EYA2: variants seen among roughly 807,000 people sequenced by gnomAD.
EYA2 encodes EYA transcriptional coactivator and phosphatase 2.
EYA2 carries 31 observed loss-of-function variants against 69.2 expected under a neutral mutation model. That is an observed-to-expected ratio of 0.45 (90% CI 0.34 to 0.60). EYA2 has a LOEUF of 0.60. Among genes scored for constraint, EYA2 ranks in the 20% least tolerant of loss-of-function variants. The probability of loss-of-function intolerance (pLI) is 0.02; values close to 1 mark genes in which losing one functional copy is unlikely to be tolerated. For synonymous variants in EYA2, 257 were observed against 279.4 expected (o/e 0.92, Z 0.80); for missense variants, 622 against 701.2 (o/e 0.89, Z 1.28).
intron 5 of EYA2, among the ~76,000 whole-genome samples, chr20:47,018,895 G>A (rs1983577376): frequency 2.0e-5 from 3 of 152,138 alleles, no homozygotes; most frequent in Admixed American, 2.0e-4. Flanking sequence ...TCTAAATGAT[G>A]AGATTTCCTG....
At chr20:46,970,221 A>G (rs1980055881) in intron 1 of EYA2, among the ~76,000 whole-genome samples, 1 of 152,202 alleles carries the variant, frequency 6.6e-6, no homozygotes, top group African/African-American at 2.4e-5. Context: ...GCGAATGTGA[A>G]TTCATCTTTT....
At chr20:46,949,596 G>C (rs1384159889) in intron 1 of EYA2, among the ~76,000 whole-genome samples, 3 of 152,124 alleles carry the variant, frequency 2.0e-5, no homozygotes, top group South Asian at 4.1e-4. Context: ...CCACGTTTTG[G>C]GTTTAACCTC....
chr20:47,111,639 G>A (rs373386299), intron 9 of EYA2, among the ~76,000 whole-genome samples: 2 of 152,286 alleles, frequency 1.3e-5, no homozygotes, highest in African/African-American at 4.8e-5. Flanking sequence ...GTGAAAAGTG[G>A]GCAGCACTGT....
intron 9 of EYA2, among the ~76,000 whole-genome samples, chr20:47,128,710 C>T (rs1261309872): frequency 6.6e-6 from 1 of 152,158 alleles, no homozygotes; most frequent in Non-Finnish European, 1.5e-5. Flanking sequence ...GCAGCGTGAC[C>T]TTGGACAAGT....
intron 9 of EYA2, chr20:47,117,669 C>T (rs1245919780): frequency 6.1e-6 from 6 of 985,278 alleles, no homozygotes; most frequent in East Asian, 1.1e-4. Flanking sequence ...AAAGAAAACC[C>T]GGTTTTATGA....
chr20:47,058,823 G>A (rs1334285756), intron 5 of EYA2, among the ~76,000 whole-genome samples: 1 of 152,200 alleles, frequency 6.6e-6, no homozygotes, highest in Non-Finnish European at 1.5e-5. Context: ...CTGGGCAACA[G>A]AGCAAGACCT....
rs112336353 is a variant in EYA2, at chr20:47,047,049, T to C, written c.416-25136T>C. On this transcript the variant is annotated intron_variant, in intron 5 of 15. Coordinates refer to ENST00000327619, the MANE Select transcript of EYA2 (RefSeq NM_005244.5). The stretch of plus-strand genomic sequence containing the variant: ...AGGGCAACTTGCTCATTTTCTAAAA[T>C]GTATCGTGTACATTTCTCAAAGAAT... 1.0e-3 allele frequency among the ~76,000 whole-genome samples: 155 copies of C among 152,356 alleles called. 2 individuals carry two copies. Among genetic ancestry groups the C allele is most frequent in the African/African-American group, 3.2e-3 (135 of 41,580 alleles).
At chr20:46,955,727 AT>A (rs1979085360) in intron 1 of EYA2, among the ~76,000 whole-genome samples, 1 of 152,126 alleles carries the variant, frequency 6.6e-6, no homozygotes, top group Non-Finnish European at 1.5e-5. Flanking sequence ...TAATCTCGAC[AT>A]TTTTTCACTG....
At chr20:47,014,307 G>T (rs1983268795) in intron 4 of EYA2, among the ~76,000 whole-genome samples, 1 of 152,024 alleles carries the variant, frequency 6.6e-6, no homozygotes, top group Non-Finnish European at 1.5e-5. Flanking sequence ...TATTTTACGG[G>T]GTTGACAGGA....
At chr20:46,988,816 C>T (rs527957226) in intron 1 of EYA2, among the ~76,000 whole-genome samples, 2 of 152,318 alleles carry the variant, frequency 1.3e-5, no homozygotes, top group African/African-American at 4.8e-5. Flanking sequence ...GATCCTCCCA[C>T]CTCAGCCTCT....
intron 1 of EYA2, among the ~76,000 whole-genome samples, chr20:46,917,058 C>T (rs898637149): frequency 6.6e-6 from 1 of 152,118 alleles, no homozygotes; most frequent in African/African-American, 2.4e-5. Flanking sequence ...GTGAGAAAAT[C>T]ACAAATAATT....
intron 1 of EYA2, among the ~76,000 whole-genome samples, chr20:46,937,649 ATTTTTT>A (rs5841661): frequency 7.8e-6 from 1 of 128,438 alleles, no homozygotes; most frequent in Non-Finnish European, 1.6e-5. Context: ...TCATGCCTTG[ATTTTTT>A]TTTTTTTTTT....
intron 9 of EYA2, among the ~76,000 whole-genome samples, chr20:47,107,861 G>T (rs1409352709): frequency 6.6e-6 from 1 of 152,120 alleles, no homozygotes; most frequent in Non-Finnish European, 1.5e-5. Context: ...AAAAAGAGAA[G>T]TTGAAATTAA....
chr20:47,169,037 G>C (rs2034263573), intron 10 of EYA2, 102 bp from the exon 11 acceptor site: 1 of 1,026,894 alleles, frequency 9.7e-7, no homozygotes, highest in South Asian at 1.3e-5. Context: ...CCAGTGCAGT[G>C]CTCATCCCAG....
At chr20:47,181,398 T>C (rs181948924) in intron 14 of EYA2, among the ~76,000 whole-genome samples, 1 of 152,332 alleles carries the variant, frequency 6.6e-6, no homozygotes, top group East Asian at 1.9e-4. Context: ...ATCCTCATTC[T>C]AGCAGGTCTG....
intron 5 of EYA2, among the ~76,000 whole-genome samples, chr20:47,041,822 C>G (rs1242450717): frequency 1.3e-5 from 2 of 151,970 alleles, no homozygotes; most frequent in South Asian, 4.2e-4. Context: ...CAAAATTCCA[C>G]CTCCACTATT....
intron 5 of EYA2, among the ~76,000 whole-genome samples, chr20:47,061,604 T>G (rs912226025): frequency 3.3e-5 from 5 of 152,176 alleles, no homozygotes; most frequent in African/African-American, 1.2e-4. Flanking sequence ...TAATTCACAG[T>G]TGGTTCACCA....
intron 9 of EYA2, among the ~76,000 whole-genome samples, chr20:47,124,539 C>T (rs990439590): frequency 6.6e-6 from 1 of 152,146 alleles, no homozygotes; most frequent in African/African-American, 2.4e-5. Flanking sequence ...CGGGCACTTG[C>T]TGGGCATCAA....
At chr20:46,954,897 A>G (rs1164294130) in intron 1 of EYA2, among the ~76,000 whole-genome samples, 1 of 152,116 alleles carries the variant, frequency 6.6e-6, no homozygotes, top group African/African-American at 2.4e-5. Flanking sequence ...AATTTACTCG[A>G]GGTTTTTCAT....
Sources: gnomAD v4.1 joint callset for allele counts (sites outside exome capture counted in the v4.1 genomes callset) on GRCh38, gnomAD v4.1.1 for gene constraint, MANE v1.5 for transcripts, NCBI Gene and HGNC (gene_info 2026-07-23, HGNC 2026-07-21) for gene names.